CNTNAP2: variants seen among roughly 807,000 people sequenced by gnomAD.
CNTNAP2 encodes contactin-associated protein-like 2.
CNTNAP2 carries 98 observed loss-of-function variants against 155.2 expected under a neutral mutation model. That is an observed-to-expected ratio of 0.63 (90% CI 0.54 to 0.75). The LOEUF (loss-of-function observed/expected upper bound fraction) is 0.75. Among genes scored for constraint, CNTNAP2 ranks in the 30% least tolerant of loss-of-function variants. The pLI, the probability that CNTNAP2 is intolerant of heterozygous loss-of-function variation, is 0.00. For missense variants in CNTNAP2, 1,727 were observed against 1,688.1 expected, an observed-to-expected ratio of 1.02 and a Z score of -0.40; for synonymous variants, 651 against 631.2, an observed-to-expected ratio of 1.03 and a Z score of -0.47.
At chr7:146,846,660 T>G (rs563611856) in intron 3 of CNTNAP2, among the ~76,000 whole-genome samples, 1 of 152,316 alleles carries the variant, frequency 6.6e-6, no homozygotes, top group South Asian at 2.1e-4. Flanking sequence ...GGACAATTTC[T>G]GAGACTCAAT....
At chr7:148,358,634 C>G (rs76373290) in intron 21 of CNTNAP2, among the ~76,000 whole-genome samples, 1 of 152,138 alleles carries the variant, frequency 6.6e-6, no homozygotes. Context: ...AACAGGCCTC[C>G]CTTTTAATAC....
At chr7:148,108,182 G>A (rs987826243) in intron 15 of CNTNAP2, among the ~76,000 whole-genome samples, 16 of 152,120 alleles carry the variant, frequency 1.1e-4, no homozygotes, top group African/African-American at 2.9e-4. Context: ...GTTATCTCCC[G>A]TAAACATTTG....
At chr7:147,383,116 T>A (rs1173592495) in intron 9 of CNTNAP2, among the ~76,000 whole-genome samples, 2 of 151,280 alleles carry the variant, frequency 1.3e-5, no homozygotes, top group African/African-American at 4.9e-5. Flanking sequence ...TAATATTACA[T>A]CTTCACTTCC....
At chr7:147,955,261 T>G (rs1335114039) in intron 14 of CNTNAP2, among the ~76,000 whole-genome samples, 3 of 152,204 alleles carry the variant, frequency 2.0e-5, no homozygotes, top group South Asian at 4.1e-4. Flanking sequence ...TATCAGAATT[T>G]CATGTATTAG....
At chr7:147,834,264 T>C (rs1414441724) in intron 13 of CNTNAP2, among the ~76,000 whole-genome samples, 1 of 152,200 alleles carries the variant, frequency 6.6e-6, no homozygotes, top group African/African-American at 2.4e-5. Flanking sequence ...AATTTTTCCA[T>C]GACTGCTTTA....
chr7:146,454,769 G>C (rs1796531550), intron 1 of CNTNAP2, among the ~76,000 whole-genome samples: 1 of 151,968 alleles, frequency 6.6e-6, no homozygotes, highest in South Asian at 2.1e-4. Context: ...AGATAGATTA[G>C]ATCATAGATA....
At chr7:147,938,666 T>A (rs2116811145) in intron 14 of CNTNAP2, among the ~76,000 whole-genome samples, 1 of 152,158 alleles carries the variant, frequency 6.6e-6, no homozygotes, top group South Asian at 2.1e-4. Context: ...TAAAGCAGGA[T>A]TTTTTTTAAG....
At chr7:147,465,757 A>G (rs1329299987) in intron 10 of CNTNAP2, among the ~76,000 whole-genome samples, 4 of 152,146 alleles carry the variant, frequency 2.6e-5, no homozygotes, top group Admixed American at 2.0e-4. Context: ...CCAGTGCCCC[A>G]AAGTCATGGG....
At chr7:147,531,769 G>A (rs1029237254) in intron 11 of CNTNAP2, among the ~76,000 whole-genome samples, 2 of 151,772 alleles carry the variant, frequency 1.3e-5, no homozygotes, top group East Asian at 1.9e-4. Context: ...TTCTGCAGCC[G>A]GCTTGAATTT....
intron 1 of CNTNAP2, among the ~76,000 whole-genome samples, chr7:146,252,470 C>A (rs1010214215): frequency 1.3e-5 from 2 of 152,102 alleles, no homozygotes; most frequent in Non-Finnish European, 2.9e-5. Context: ...AACTTGACTC[C>A]CTGCTGAAAA....
At chr7:146,132,170 C>T (rs536361275) in intron 1 of CNTNAP2, among the ~76,000 whole-genome samples, 1 of 152,116 alleles carries the variant, frequency 6.6e-6, no homozygotes, top group African/African-American at 2.4e-5. Context: ...AAAATACGTT[C>T]TTTACAGATG....
chr7:146,715,818 C>T (rs1404179550), intron 1 of CNTNAP2, among the ~76,000 whole-genome samples: 3 of 152,064 alleles, frequency 2.0e-5, no homozygotes, highest in Non-Finnish European at 1.5e-5. Flanking sequence ...ATATGTGAAC[C>T]ACAGCTTTAG....
chr7:147,244,655 G>C (rs2116645512), intron 8 of CNTNAP2, among the ~76,000 whole-genome samples: 1 of 152,286 alleles, frequency 6.6e-6, no homozygotes. Flanking sequence ...CAAATAGGTA[G>C]ATGATATGAT....
At chr7:147,796,890 G>A (rs851686) in intron 13 of CNTNAP2, among the ~76,000 whole-genome samples, 11 of 152,090 alleles carry the variant, frequency 7.2e-5, no homozygotes, top group Non-Finnish European at 1.5e-4. Context: ...TAAGACCTCC[G>A]TTTTTTTGTC....
chr7:147,159,884 G>A (rs1801993974), intron 8 of CNTNAP2, among the ~76,000 whole-genome samples: 2 of 151,996 alleles, frequency 1.3e-5, no homozygotes, highest in Admixed American at 1.3e-4. Context: ...TAAGAAATTG[G>A]TATATCTATT....
chr7:147,866,548 G>C (rs1409661606), intron 13 of CNTNAP2, among the ~76,000 whole-genome samples: 3 of 152,174 alleles, frequency 2.0e-5, no homozygotes, highest in African/African-American at 7.2e-5. Flanking sequence ...TATTGTGTGG[G>C]AGTATAAGTC....
intron 1 of CNTNAP2, among the ~76,000 whole-genome samples, chr7:146,191,463 T>C (rs1175746869): frequency 6.6e-6 from 1 of 152,198 alleles, no homozygotes; most frequent in Non-Finnish European, 1.5e-5. Flanking sequence ...CATATTGTCA[T>C]TGATAACATC....
intron 13 of CNTNAP2, chr7:147,894,279 G>C (rs1799740732): frequency 6.6e-6 from 1 of 152,144 alleles, no homozygotes; most frequent in South Asian, 2.1e-4. Flanking sequence ...AGAGTGCTCA[G>C]CTGAAATTTA....
At chr7:147,509,114 G>A (rs1246284690) in intron 11 of CNTNAP2, among the ~76,000 whole-genome samples, 1 of 152,086 alleles carries the variant, frequency 6.6e-6, no homozygotes, top group Non-Finnish European at 1.5e-5. Flanking sequence ...GTCTTTGTAT[G>A]GAATGCAAAC....
Sources: gnomAD v4.1 joint callset for allele counts (sites outside exome capture counted in the v4.1 genomes callset) on GRCh38, gnomAD v4.1.1 for gene constraint, MANE v1.5 for transcripts, NCBI Gene and HGNC (gene_info 2026-07-23, HGNC 2026-07-21) for gene names.